The following EPHA6 variants were observed in gnomAD, a reference collection of about 807,000 sequenced individuals.
EPHA6 encodes EPH receptor A6.
A neutral mutation model predicts 112.0 loss-of-function variants in EPHA6; 50 were observed. That is an observed-to-expected ratio of 0.45 (90% CI 0.36 to 0.56). The LOEUF (loss-of-function observed/expected upper bound fraction) is 0.56. EPHA6 is among the 20% of genes least tolerant of loss of function. The probability of loss-of-function intolerance (pLI) is 0.00; values close to 1 mark genes in which losing one functional copy is unlikely to be tolerated. For synonymous variants in EPHA6, 529 were observed against 490.7 expected, an observed-to-expected ratio of 1.08 and a Z score of -1.03; for missense variants, 1,280 against 1,417.4, an observed-to-expected ratio of 0.90 and a Z score of 1.56.
At chr3:97,358,201 A>G (rs2084184234) in intron 5 of EPHA6, among the ~76,000 whole-genome samples, 1 of 150,692 alleles carries the variant, frequency 6.6e-6, no homozygotes, top group African/African-American at 2.4e-5. Flanking sequence ...TTGTAGTGAA[A>G]TATTTAAATT....
intron 5 of EPHA6, among the ~76,000 whole-genome samples, chr3:97,325,384 G>A (rs2082369162): frequency 6.6e-6 from 1 of 152,006 alleles, no homozygotes; most frequent in African/African-American, 2.4e-5. Flanking sequence ...CTCTGTGTGT[G>A]CACATCCCTG....
intron 2 of EPHA6, among the ~76,000 whole-genome samples, chr3:96,868,079 T>C (rs1164826640): frequency 6.6e-6 from 1 of 151,864 alleles, no homozygotes; most frequent in Non-Finnish European, 1.5e-5. Context: ...AACATTCGTA[T>C]TGTTGAGTAT....
chr3:97,086,840 A>G (rs930249149), intron 3 of EPHA6, among the ~76,000 whole-genome samples: 1 of 143,974 alleles, frequency 6.9e-6, no homozygotes, highest in African/African-American at 3.0e-5. Flanking sequence ...AGAATGTACT[A>G]ATCTATAATT....
At chr3:97,300,750 T>C (rs1391898267) in intron 5 of EPHA6, among the ~76,000 whole-genome samples, 1 of 152,022 alleles carries the variant, frequency 6.6e-6, no homozygotes, top group Admixed American at 6.6e-5. Context: ...CCAATATACT[T>C]GCAACTAGTT....
At chr3:97,038,104 T>G (rs1336409399) in intron 3 of EPHA6, among the ~76,000 whole-genome samples, 4 of 152,042 alleles carry the variant, frequency 2.6e-5, no homozygotes. Flanking sequence ...AAATATCAAC[T>G]CAGAGTAATT....
At chr3:97,465,865 G>A (rs1382856000) in intron 7 of EPHA6, among the ~76,000 whole-genome samples, 1 of 151,922 alleles carries the variant, frequency 6.6e-6, no homozygotes, top group Non-Finnish European at 1.5e-5. Flanking sequence ...CAGTATTTTG[G>A]TGATAATTAG....
At chr3:97,378,600 C>A (rs2109010608) in intron 5 of EPHA6, among the ~76,000 whole-genome samples, 1 of 152,268 alleles carries the variant, frequency 6.6e-6, no homozygotes, top group South Asian at 2.1e-4. Context: ...CCCTTCAAAG[C>A]CACAGGAGCA....
intron 1 of EPHA6, among the ~76,000 whole-genome samples, chr3:96,851,831 T>G (rs2107374516): frequency 6.6e-6 from 1 of 151,622 alleles, no homozygotes; most frequent in African/African-American, 2.4e-5. Flanking sequence ...GATGGAATGG[T>G]GAGAAAAAAA....
intron 5 of EPHA6, among the ~76,000 whole-genome samples, chr3:97,359,304 G>A (rs1277672599): frequency 6.6e-6 from 1 of 151,424 alleles, no homozygotes; most frequent in Admixed American, 6.6e-5. Flanking sequence ...TCAAGTTCAT[G>A]GATTCTTCAT....
intron 5 of EPHA6, among the ~76,000 whole-genome samples, chr3:97,358,722 A>C (rs1053737960): frequency 6.6e-6 from 1 of 152,074 alleles, no homozygotes; most frequent in Non-Finnish European, 1.5e-5. Context: ...AACTCCTTTA[A>C]GCATTTCTTG....
intron 3 of EPHA6, among the ~76,000 whole-genome samples, chr3:97,157,408 A>G (rs1027157579): frequency 6.6e-6 from 1 of 152,160 alleles, no homozygotes; most frequent in East Asian, 1.9e-4. Flanking sequence ...AAGAGTCAAT[A>G]TATACCTGAA....
At chr3:97,413,253 C>T (rs1280483553) in intron 6 of EPHA6, among the ~76,000 whole-genome samples, 2 of 151,906 alleles carry the variant, frequency 1.3e-5, no homozygotes, top group African/African-American at 2.4e-5. Flanking sequence ...GTGACTGAAG[C>T]AGGTCTCAAC....
chr3:96,980,834 T>C (rs1460923152), intron 2 of EPHA6, among the ~76,000 whole-genome samples: 2 of 152,202 alleles, frequency 1.3e-5, no homozygotes, highest in Non-Finnish European at 2.9e-5. Context: ...AGTTCACTCA[T>C]GATTTGGCTC....
intron 3 of EPHA6, among the ~76,000 whole-genome samples, chr3:97,195,574 G>A (rs561216714): frequency 2.2e-4 from 34 of 151,964 alleles, no homozygotes; most frequent in African/African-American, 6.0e-4. Flanking sequence ...TGTACTTACC[G>A]TTACCAGTGA....
chr3:97,703,665 A>G (rs2033522126), intron 14 of EPHA6, among the ~76,000 whole-genome samples: 2 of 152,136 alleles, frequency 1.3e-5, no homozygotes, highest in African/African-American at 4.8e-5. Flanking sequence ...GCACAATCAC[A>G]TATATTATCT....
chr3:97,042,244 T>C (rs2045342790), intron 3 of EPHA6, among the ~76,000 whole-genome samples: 1 of 151,972 alleles, frequency 6.6e-6, no homozygotes. Flanking sequence ...GATCTGGTCG[T>C]TTAAAAGTAT....
intron 7 of EPHA6, among the ~76,000 whole-genome samples, chr3:97,467,811 T>C (rs9818852): frequency 0.15 from 22,599 of 151,694 alleles, 5,298 homozygotes; most frequent in African/African-American, 0.5. Flanking sequence ...AAATTTGTTA[T>C]ATGAAGGCTA....
intron 3 of EPHA6, among the ~76,000 whole-genome samples, chr3:97,023,142 G>A (rs7644757): frequency 0.024 from 3,601 of 152,180 alleles, 152 homozygotes; most frequent in African/African-American, 0.082. Context: ...GCAGTGGCGC[G>A]ATCTTGGCTC....
In EPHA6 at chr3:97,395,687, A is replaced by G. The variant is rs753125349; in HGVS notation, c.1607-9463A>G. 1.2e-4 allele frequency among the ~76,000 whole-genome samples: 18 copies of G among 151,374 alleles called. 1 individual carries two copies. The highest frequency in any genetic ancestry group is 2.1e-4 in the Non-Finnish European group (14 of 67,636). On this transcript the variant is annotated intron_variant, in intron 5 of 17. Coordinates refer to ENST00000389672, the MANE Select transcript of EPHA6 (RefSeq NM_001080448.3). ...TTATTGACATTTCATTGAGTTTTTT[A>G]TTATATTTCCCTTAAAACACACCTA... is the stretch of plus-strand genomic sequence containing the variant.
Sources: gnomAD v4.1 joint callset for allele counts (sites outside exome capture counted in the v4.1 genomes callset) on GRCh38, gnomAD v4.1.1 for gene constraint, MANE v1.5 for transcripts, NCBI Gene and HGNC (gene_info 2026-07-23, HGNC 2026-07-21) for gene names.